The following ITPA variants were observed in gnomAD, a reference collection of about 807,000 sequenced individuals.
ITPA encodes inosine triphosphatase, also known as inosine triphosphate pyrophosphatase.
In ITPA, 29 loss-of-function variants were observed where a neutral mutation model predicts 29.6. The observed-to-expected ratio is 0.98, with a 90% CI of 0.73 to 1.34. ITPA has a LOEUF of 1.34. Among genes scored for constraint, ITPA ranks in the 40% most tolerant of loss-of-function variants. The pLI, the probability that ITPA is intolerant of heterozygous loss-of-function variation, is 0.00. For missense variants in ITPA, 241 were observed against 251.5 expected, an observed-to-expected ratio of 0.96 and a Z score of 0.28; for synonymous variants, 103 against 99.3, an observed-to-expected ratio of 1.04 and a Z score of -0.22.
At chr20:3,205,168 C>T (rs2067062116), upstream of ITPA, among the ~76,000 whole-genome samples, 1 of 152,080 alleles carries the variant, frequency 6.6e-6, no homozygotes, top group Non-Finnish European at 1.5e-5. Context: ...TTTTAAAAAT[C>T]ACTAAACAAT....
Position 3,223,492 on chromosome 20 carries a change from C to T in ITPA, c.*30C>T, listed in dbSNP as rs991146318. 9 of 1,567,472 alleles carry T rather than the reference C, an allele frequency of 5.7e-6. No individual in the cohort carries two copies. The highest frequency in any genetic ancestry group is 3.4e-5 in the Admixed American group (2 of 58,014). ...TGCAGCTGGAGGAGGCCCCTCAGGC[C>T]GGGGATCTGGGGAGGGCTAGCCCAA... is the stretch of plus-strand genomic sequence containing the variant. On this transcript the variant is annotated 3_prime_UTR_variant, in exon 8 of 8. Coordinates refer to ENST00000380113, the MANE Select transcript of ITPA (RefSeq NM_033453.4).
chr20:3,218,775 T>G (rs1485278681), intron 6 of ITPA, 143 bp downstream of exon 6: 1 of 703,854 alleles, frequency 1.4e-6, no homozygotes, highest in Non-Finnish European at 2.6e-6. Flanking sequence ...GAGGCTCCCC[T>G]GCGCAGCATA....
In ITPA at chr20:3,223,420, C is replaced by G. The variant is rs1460395550; in HGVS notation, c.543C>G (p.Ala181=). 6.2e-7 allele frequency: 1 copy of G among 1,613,892 alleles called. No homozygotes were observed. Among genetic ancestry groups the G allele is most frequent in the East Asian group, 2.2e-5 (1 of 44,882 alleles). The change falls in exon 8 of 8, where the codon GCC becomes GCG. Residue 181 remains alanine (A), a synonymous_variant. Transcript: ENST00000380113. ...EKNAVSHRFR[A]LLELQEYFGS... ...ACGCTGTCTCCCATCGCTTCCGGGC[C>G]CTGCTGGAGCTGCAGGAGTACTTTG... is the stretch of plus-strand genomic sequence containing the variant.
Position 3,223,508 on chromosome 20 carries a change from G to A in ITPA, c.*46G>A. ...CCCTCAGGCCGGGGATCTGGGGAGG[G>A]CTAGCCCAAAACCTCCCGCATCGGG... On this transcript the variant is annotated 3_prime_UTR_variant, in exon 8 of 8. Coordinates refer to ENST00000380113, the MANE Select transcript of ITPA (RefSeq NM_033453.4). 6.7e-7 allele frequency: 1 copy of A among 1,495,854 alleles called. No individual in the cohort carries two copies. Among genetic ancestry groups the A allele is most frequent in the Non-Finnish European group, 9.2e-7 (1 of 1,085,978 alleles). 92.7% of individuals were successfully genotyped at this position (1,495,854 alleles called of 1,614,324 possible).
chr20:3,218,790 G>C, intron 6 of ITPA, 158 bp downstream of exon 6: 4 of 689,384 alleles, frequency 5.8e-6, no homozygotes, highest in Non-Finnish European at 1.1e-5. Context: ...AGCATAGGTA[G>C]AAGTGCTGTG....
At chr20:3,215,095 G>C (rs1212608348) in intron 4 of ITPA, 186 bp from the exon 5 acceptor site, 7 of 624,230 alleles carry the variant, frequency 1.1e-5, no homozygotes, top group Non-Finnish European at 2.0e-5. Context: ...TCAAACTCCT[G>C]AGCTCAAGCG....
At chr20:3,227,288 C>T (rs2067566341), downstream of ITPA, 1 of 203,306 alleles carries the variant, frequency 4.9e-6, no homozygotes, top group East Asian at 1.2e-4. Context: ...ACCCACTGTG[C>T]GACGTTGGAG....
upstream of ITPA, chr20:3,204,554 C>A: frequency 6.4e-7 from 1 of 1,572,308 alleles, no homozygotes. Flanking sequence ...CGCCCGGCCC[C>A]GGCTGCGAGT....
At chr20:3,212,181 A>G (rs2067190025) in intron 1 of ITPA, among the ~76,000 whole-genome samples, 1 of 152,214 alleles carries the variant, frequency 6.6e-6, no homozygotes, top group South Asian at 2.1e-4. Context: ...TCAAAAAAAA[A>G]TAAAATACAT....
intron 1 of ITPA, among the ~76,000 whole-genome samples, chr20:3,210,764 C>T (rs1175515969): frequency 6.6e-6 from 1 of 152,114 alleles, no homozygotes; most frequent in Non-Finnish European, 1.5e-5. Flanking sequence ...AAAGAAGGAG[C>T]TGGAACCCGA....
At position 3,218,563 on chromosome 20, in the gene ITPA, G is replaced by T. The variant is rs1348318318; in HGVS notation, c.342G>T (p.Ala114=). ...LAGFEDKSAY[A]LCTFALSTGD... Reference sequence around the variant, plus strand: ...GGTTCGAGGACAAGTCAGCCTATGCGCTCTGCACGTTTGCACTCAGCACCG... The same window carrying T: ...GGTTCGAGGACAAGTCAGCCTATGCTCTCTGCACGTTTGCACTCAGCACCG... Residue 114 remains alanine (A), a synonymous_variant, in exon 6 of 8, where the codon GCG becomes GCT. Coordinates refer to ENST00000380113, the MANE Select transcript of ITPA (RefSeq NM_033453.4). 15 of 1,613,842 alleles carry T rather than the reference G, an allele frequency of 9.3e-6. No individual in the cohort carries two copies. The highest frequency in any genetic ancestry group is 4.4e-5 in the South Asian group (4 of 91,086).
chr20:3,205,839 C>G (rs940735572), upstream of ITPA, among the ~76,000 whole-genome samples: 6 of 149,410 alleles, frequency 4.0e-5, no homozygotes, highest in Non-Finnish European at 7.4e-5. Context: ...CGGATCACTT[C>G]AGGTCAAGTG....
rs200086262 is a variant in ITPA, at chr20:3,221,881, G to A, written c.452G>A (p.Trp151Ter). 52 of 1,613,968 alleles carry A rather than the reference G, an allele frequency of 3.2e-5. No homozygotes were observed. Among genetic ancestry groups the A allele is most frequent in the South Asian group, 9.9e-5 (9 of 91,094 alleles). ...VAPRGCQDFG[W>*]DPCFQPDGYE... is the part of the protein sequence containing the mutation. ...CCCAGAGGCTGCCAGGACTTTGGCTGGGACCCCTGCTTTCAGCCTGATGGA... is the reference window on the plus strand; with the variant it reads ...CCCAGAGGCTGCCAGGACTTTGGCTAGGACCCCTGCTTTCAGCCTGATGGA... Residue 151 changes from tryptophan to a stop codon, truncating the protein, a stop_gained, in exon 7 of 8, where the codon TGG (tryptophan) becomes TAG (stop). Transcript: ENST00000380113. LOFTEE classifies it high-confidence loss of function.
chr20:3,207,642 C>T (rs1013534574), upstream of ITPA, among the ~76,000 whole-genome samples: 2 of 151,398 alleles, frequency 1.3e-5, no homozygotes, highest in African/African-American at 2.4e-5. Context: ...TGAAGTGAGC[C>T]GAGATCGTGC....
Position 3,218,511 on chromosome 20 carries a change from C to T in ITPA, c.296-6C>T. Reference sequence around the variant, plus strand: ...GATGCACTGAGCCCTCACTGCCCACCCGCAGGTCTCCACCAGCTCCTGGCC... The same window carrying T: ...GATGCACTGAGCCCTCACTGCCCACTCGCAGGTCTCCACCAGCTCCTGGCC... On this transcript the variant is annotated splice_polypyrimidine_tract_variant and splice_region_variant and intron_variant, in intron 5 of 7. Coordinates refer to ENST00000380113, the MANE Select transcript of ITPA (RefSeq NM_033453.4). 4 of 1,609,176 alleles carry T rather than the reference C, an allele frequency of 2.5e-6. No individual in the cohort carries two copies. The highest frequency in any genetic ancestry group is 3.4e-6 in the Non-Finnish European group (4 of 1,175,752).
chr20:3,224,649 T>C (rs1165616655), downstream of ITPA, among the ~76,000 whole-genome samples: 3 of 152,244 alleles, frequency 2.0e-5, no homozygotes, highest in Non-Finnish European at 4.4e-5. Context: ...GATGTCTGGC[T>C]GGGCCTCAGA....
chr20:3,225,174 G>A (rs1293938675), downstream of ITPA, among the ~76,000 whole-genome samples: 5 of 152,144 alleles, frequency 3.3e-5, no homozygotes, highest in African/African-American at 1.2e-4. Flanking sequence ...CTGCACTCCA[G>A]CCTGGGCAAC....
At chr20:3,215,408 G>A (rs2067271148) in intron 5 of ITPA, 96 bp downstream of exon 5, 1 of 1,130,024 alleles carries the variant, frequency 8.8e-7, no homozygotes, top group South Asian at 1.3e-5. Flanking sequence ...GGAGTCCCAG[G>A]TTCTAGCCCC....
At chr20:3,222,830 T>G (rs1352844553) in intron 7 of ITPA, among the ~76,000 whole-genome samples, 1 of 152,246 alleles carries the variant, frequency 6.6e-6, no homozygotes, top group African/African-American at 2.4e-5. Context: ...GGAATATTTC[T>G]GTTCAGCGTT....
Sources: allele counts gnomAD v4.1 joint callset (sites outside exome capture counted in the v4.1 genomes callset), GRCh38; gene constraint gnomAD v4.1.1; transcripts MANE v1.5; gene names NCBI Gene and HGNC (gene_info 2026-07-23, HGNC 2026-07-21).